The following PROM1 variants were observed in gnomAD, a reference collection of about 807,000 sequenced individuals.
The protein encoded by PROM1 is prominin 1, also known as prominin-1.
A neutral mutation model predicts 116.9 loss-of-function variants in PROM1; 105 were observed. That is an observed-to-expected ratio of 0.90 (90% confidence interval 0.77 to 1.06). The LOEUF is 1.06. Among genes scored for constraint, PROM1 ranks in the 50% least tolerant of loss-of-function variants. The pLI is 0.00. For synonymous variants in PROM1, 393 were observed against 387.0 expected (o/e 1.02, Z -0.18); for missense variants, 1,122 against 1,045.2 (o/e 1.07, Z -1.01).
intron 26 of PROM1, among the ~76,000 whole-genome samples, chr4:15,975,275 G>A (rs982896638): frequency 2.0e-4 from 30 of 152,080 alleles, no homozygotes; most frequent in African/African-American, 6.0e-4. Flanking sequence ...GATGGAGTGC[G>A]GTGGTGCAAT....
chr4:16,021,978 C>G (rs1271646412), intron 8 of PROM1, among the ~76,000 whole-genome samples: 2 of 152,012 alleles, frequency 1.3e-5, no homozygotes, highest in Non-Finnish European at 2.9e-5. Flanking sequence ...AACTGATGTT[C>G]TTACAAGAAG....
At chr4:16,034,475 C>T (rs1451681275) in intron 4 of PROM1, among the ~76,000 whole-genome samples, 12 of 152,136 alleles carry the variant, frequency 7.9e-5, no homozygotes, top group African/African-American at 2.2e-4. Flanking sequence ...AGTGAAGGAC[C>T]GACCTTGGCA....
chr4:16,077,604 C>T (rs994552099), intron 1 of PROM1, among the ~76,000 whole-genome samples: 1 of 152,206 alleles, frequency 6.6e-6, no homozygotes, highest in Admixed American at 6.5e-5. Context: ...GAAACACCCA[C>T]AGGTGTGGAG....
At chr4:16,008,834 T>G in intron 12 of PROM1, 115 bp downstream of exon 12, 1 of 1,010,664 alleles carries the variant, frequency 9.9e-7, no homozygotes, top group East Asian at 2.6e-5. Flanking sequence ...TATCAGGTCA[T>G]GGCCTCCTTG....
At chr4:16,055,068 C>T (rs998521591) in intron 2 of PROM1, among the ~76,000 whole-genome samples, 3 of 152,210 alleles carry the variant, frequency 2.0e-5, no homozygotes, top group African/African-American at 4.8e-5. Flanking sequence ...GTTCTCTCTG[C>T]CACACAAATC....
chr4:15,970,550 G>A (rs1714245552), intron 27 of PROM1, among the ~76,000 whole-genome samples: 1 of 151,174 alleles, frequency 6.6e-6, no homozygotes, highest in Non-Finnish European at 1.5e-5. Flanking sequence ...CATACTCACT[G>A]TGTGTGTGTA....
At chr4:16,033,216 G>C in intron 5 of PROM1, 88 bp downstream of exon 5, 1 of 1,191,826 alleles carries the variant, frequency 8.4e-7, no homozygotes, top group Admixed American at 2.6e-5. Flanking sequence ...ATTTTGTTTA[G>C]TTTTAAACTC....
intron 23 of PROM1, among the ~76,000 whole-genome samples, chr4:15,983,486 G>T (rs1439754196): frequency 6.6e-6 from 1 of 152,198 alleles, no homozygotes; most frequent in Admixed American, 6.5e-5. Flanking sequence ...AGGTCTTAAA[G>T]TGGGGAGTGG....
chr4:16,023,401 G>T lies in PROM1; in HGVS notation c.709C>A (p.Leu237Ile). 1 of 1,600,676 alleles carries T rather than the reference G, an allele frequency of 6.2e-7. No homozygotes were observed. Among genetic ancestry groups the T allele is most frequent in the Non-Finnish European group, 8.5e-7 (1 of 1,172,398 alleles). The change falls in exon 8 of 28, where the codon CTA (leucine) becomes ATA (isoleucine). Residue 237 changes from leucine (L) to isoleucine (I), a missense_variant. Leu to Ile is a conservative substitution (Grantham distance 5). Transcript: ENST00000447510. Reference protein sequence around the residue: ...FTDLNSINSVLGGGILDRLRP... With the variant: ...FTDLNSINSVIGGGILDRLRP... Reference sequence around the variant, plus strand: ...AGTCGGTCAAGAATTCCGCCTCCTAGCACTGAATTGATACCTACATGCAAA... The same window carrying T: ...AGTCGGTCAAGAATTCCGCCTCCTATCACTGAATTGATACCTACATGCAAA...
rs1168645706 is a variant in PROM1 at position 15,997,249 on chromosome 4, CAT to C, written c.1682+1134_1682+1135del. ...ATATATATATGAAATGCATTTCGTT[CAT>C]ATATATATATGAAATATATATTCGT... On this transcript the variant is annotated intron_variant, in intron 15 of 27. Transcript: ENST00000447510. Among the ~76,000 whole-genome samples the C allele has an allele frequency of 3.4e-5, 5 of 146,000 alleles. No individual in the cohort carries two copies. The Middle Eastern group carries it at 0.011, about 320-fold the overall frequency.
At chr4:16,016,875 C>T (rs1728530604) in intron 9 of PROM1, among the ~76,000 whole-genome samples, 1 of 152,090 alleles carries the variant, frequency 6.6e-6, no homozygotes, top group Non-Finnish European at 1.5e-5. Context: ...AGAAACTGTT[C>T]CAGATTAACA....
intron 2 of PROM1, among the ~76,000 whole-genome samples, chr4:16,056,361 G>A (rs1739012816): frequency 6.6e-6 from 1 of 152,150 alleles, no homozygotes; most frequent in Non-Finnish European, 1.5e-5. Context: ...GGGGCCCTGA[G>A]AGGGTACACA....
intron 2 of PROM1, among the ~76,000 whole-genome samples, chr4:16,059,186 A>G (rs995273111): frequency 5.9e-5 from 9 of 152,318 alleles, no homozygotes; most frequent in African/African-American, 2.2e-4. Context: ...AAGATTCTGA[A>G]ATCAGTCAGA....
intron 5 of PROM1, among the ~76,000 whole-genome samples, chr4:16,028,407 C>T (rs1038815842): frequency 9.9e-5 from 15 of 152,100 alleles, no homozygotes; most frequent in Non-Finnish European, 1.8e-4. Context: ...TAAATATTAC[C>T]GTATCTTCCC....
chr4:15,971,208 G>A lies in PROM1; in HGVS notation c.2583-126C>T, dbSNP rs1045518186. 1.0e-5 allele frequency: 7 copies of A among 700,410 alleles called. 1 individual carries two copies. The African/African-American group carries it at 1.1e-4, about 11-fold the overall frequency. The allele number at this position is 700,410 out of a possible 1,614,324, so 43.4% of individuals were successfully genotyped here. ...ACGAATATAAACCACACCTCATAAA[G>A]TTTATCAAGAAGAATGTGTCAGACA... On this transcript the variant is annotated intron_variant, in intron 26 of 27. Transcript: ENST00000447510.
chr4:16,083,919 C>T (rs1402509149), intron 1 of PROM1, 59 bp downstream of exon 1: 1 of 152,242 alleles, frequency 6.6e-6, no homozygotes, highest in Non-Finnish European at 1.5e-5. Context: ...TCCTCTGTCC[C>T]GGACGGGGAC....
At chr4:16,016,291 A>G (rs1176676194) in intron 9 of PROM1, 51 bp from the exon 10 acceptor site, 1 of 1,384,344 alleles carries the variant, frequency 7.2e-7, no homozygotes, top group Non-Finnish European at 1.0e-6. Flanking sequence ...CTTCAAAACA[A>G]TTCCTCATGA....
intron 22 of PROM1, among the ~76,000 whole-genome samples, chr4:15,985,256 C>T (rs939489896): frequency 6.6e-6 from 1 of 152,074 alleles, no homozygotes; most frequent in Non-Finnish European, 1.5e-5. Context: ...ATAACTATAT[C>T]TTTTATATAA....
intron 2 of PROM1, among the ~76,000 whole-genome samples, chr4:16,049,105 G>A (rs1737249138): frequency 6.6e-6 from 1 of 152,204 alleles, no homozygotes. Context: ...CAGAGAGTGG[G>A]GGTTAAGGAC....
Sources: gnomAD v4.1 joint callset for allele counts (sites outside exome capture counted in the v4.1 genomes callset) on GRCh38, gnomAD v4.1.1 for gene constraint, MANE v1.5 for transcripts, NCBI Gene and HGNC (gene_info 2026-07-23, HGNC 2026-07-21) for gene names.